The following NFYC variants were observed in gnomAD, a reference collection of about 807,000 sequenced individuals.
NFYC encodes CAAT box DNA-binding protein subunit C.
Under a neutral mutation model 53.1 loss-of-function variants are expected in NFYC, and 25 were observed. That is an observed-to-expected ratio of 0.47 (90% CI 0.34 to 0.66). The LOEUF (loss-of-function observed/expected upper bound fraction) is 0.66. NFYC is among the 30% of genes least tolerant of loss of function. The probability of loss-of-function intolerance (pLI) is 0.01; values close to 1 mark genes in which losing one functional copy is unlikely to be tolerated. For missense variants in NFYC, 260 were observed against 422.7 expected (o/e 0.62, Z 3.38); for synonymous variants, 145 against 152.6 (o/e 0.95, Z 0.37).
In NFYC at chr1:40,691,837, G is replaced by A. The variant is rs766254264; in HGVS notation, c.-39G>A. 2.3e-6 allele frequency: 1 copy of A among 434,970 alleles called. No homozygotes were observed. The highest frequency in any genetic ancestry group is 1.6e-5 in the South Asian group (1 of 62,830). 26.9% of individuals were successfully genotyped at this position (434,970 alleles called of 1,614,324 possible). On this transcript the variant is annotated 5_prime_UTR_variant, in exon 1 of 10. Coordinates refer to ENST00000447388, the MANE Select transcript of NFYC (RefSeq NM_014223.5). Reference sequence around the variant, plus strand: ...CCGACTCCGTAGGAGCGCGGGGGCGGCTCCTGCTCTTCCTGGACTCCTGAG... The same window carrying A: ...CCGACTCCGTAGGAGCGCGGGGGCGACTCCTGCTCTTCCTGGACTCCTGAG...
chr1:40,700,908 C>G (rs1557733930), intron 1 of NFYC, among the ~76,000 whole-genome samples: 1 of 152,096 alleles, frequency 6.6e-6, no homozygotes, highest in Non-Finnish European at 1.5e-5. Context: ...ACTGTGTCCC[C>G]TTCTCCAGCT....
At chr1:40,730,487 G>A (rs895134909) in intron 1 of NFYC, 1 of 888,256 alleles carries the variant, frequency 1.1e-6, no homozygotes, top group African/African-American at 1.8e-5. Flanking sequence ...TGGTAGAGCA[G>A]TATCTGTGAA....
rs1028366107 is a variant in NFYC at position 40,759,865 on chromosome 1, A to G, written c.561+1571A>G. Among the ~76,000 whole-genome samples the G allele has an allele frequency of 7.9e-5, 12 of 152,292 alleles. No homozygotes were observed. The East Asian group carries it at 9.6e-4, about 12-fold the overall frequency. ...ACCATCTACGCAAGTTTGGAAAGAT[A>G]GATAGTAAACACATCCTGGACAGCC... is the stretch of plus-strand genomic sequence containing the variant. On this transcript the variant is annotated intron_variant, in intron 6 of 9. Coordinates refer to ENST00000447388, the MANE Select transcript of NFYC (RefSeq NM_014223.5).
intron 1 of NFYC, among the ~76,000 whole-genome samples, chr1:40,738,245 G>A (rs1347341965): frequency 6.6e-6 from 1 of 152,130 alleles, no homozygotes; most frequent in African/African-American, 2.4e-5. Context: ...TGTTGCCCAG[G>A]CTGTCTTGAA....
intron 1 of NFYC, among the ~76,000 whole-genome samples, chr1:40,707,237 T>G (rs2148438051): frequency 6.6e-6 from 1 of 151,912 alleles, no homozygotes; most frequent in Middle Eastern, 3.4e-3. Flanking sequence ...CTCACTCCTG[T>G]AATCCCAGCA....
In NFYC at chr1:40,734,851, T is replaced by G. The variant is rs1347969954; in HGVS notation, c.-8-3985T>G. ...TGTTAGAAAACATGCTTCAAACCTT[T>G]TTCTCTTTTTTCCTGGTGAGAAGAA... On this transcript the variant is annotated intron_variant, in intron 1 of 9. Transcript: ENST00000447388. The G allele has an allele frequency of 5.3e-5, 8 of 152,232 alleles. No homozygotes were observed. The East Asian group carries it at 1.5e-3, about 29-fold the overall frequency. The allele number at this position is 152,232 out of a possible 1,614,324, so 9.4% of individuals were successfully genotyped here. A position where few individuals can be genotyped will look rare whatever the true frequency, so the allele number is the denominator to read the frequency against.
rs772523474 is a variant in NFYC at position 40,770,627 on chromosome 1, C to T, written c.889-82C>T. The T allele has an allele frequency of 9.9e-6, 16 of 1,614,068 alleles. No homozygotes were observed. The South Asian group carries it at 1.6e-4, about 17-fold the overall frequency. ...GGGTGGTGGTTGAGGTATCTGGGAC[C>T]CCCAACCAGCTCGAGACCCATAGGG... On this transcript the variant is annotated intron_variant, in intron 9 of 9. Transcript: ENST00000447388. The surrounding 1 kb of genome is among the most constrained non-coding windows in gnomAD (Gnocchi z 5.3).
chr1:40,757,417 C>T, intron 5 of NFYC: 1 of 518,642 alleles, frequency 1.9e-6, no homozygotes, highest in South Asian at 1.4e-5. Context: ...GCAGATCGGA[C>T]AGAATGCGAC....
chr1:40,768,878 C>G (rs957553709), intron 8 of NFYC: 1 of 158,422 alleles, frequency 6.3e-6, no homozygotes, highest in South Asian at 1.8e-4. Context: ...CAGGGTGTTT[C>G]ATATTCCAGT....
chr1:40,702,528 G>A (rs1391668701), intron 1 of NFYC, among the ~76,000 whole-genome samples: 1 of 151,850 alleles, frequency 6.6e-6, no homozygotes, highest in Non-Finnish European at 1.5e-5. Context: ...ATTTTTAGTA[G>A]TGGTGGGGTT....
chr1:40,724,524 A>T (rs1293918245), intron 1 of NFYC, among the ~76,000 whole-genome samples: 1 of 152,218 alleles, frequency 6.6e-6, no homozygotes, highest in African/African-American at 2.4e-5. Context: ...TTTCTTCATC[A>T]TACAAAATAC....
intron 1 of NFYC, among the ~76,000 whole-genome samples, chr1:40,713,234 T>A (rs1644002647): frequency 6.6e-6 from 1 of 152,222 alleles, no homozygotes; most frequent in Admixed American, 6.5e-5. Context: ...GATGTTTGAT[T>A]TCCTGTCCTA....
At chr1:40,731,764 G>A (rs1277608610) in intron 1 of NFYC, among the ~76,000 whole-genome samples, 2 of 152,208 alleles carry the variant, frequency 1.3e-5, no homozygotes, top group African/African-American at 2.4e-5. Flanking sequence ...GTTTACAGGC[G>A]TGAGCCACCG....
intron 6 of NFYC, among the ~76,000 whole-genome samples, chr1:40,760,646 G>A (rs1331438345): frequency 6.6e-6 from 1 of 152,024 alleles, no homozygotes; most frequent in Non-Finnish European, 1.5e-5. Context: ...CTTGAACCTG[G>A]GAGGCGGATG....
At chr1:40,748,706 T>G (rs1470288296) in intron 3 of NFYC, among the ~76,000 whole-genome samples, 1 of 152,184 alleles carries the variant, frequency 6.6e-6, no homozygotes, top group Non-Finnish European at 1.5e-5. Flanking sequence ...ACTCTGTCTC[T>G]TTACCACTCA....
At chr1:40,763,078 C>T in intron 7 of NFYC, 32 bp downstream of exon 7, 1 of 1,525,170 alleles carries the variant, frequency 6.6e-7, no homozygotes, top group South Asian at 1.3e-5. Context: ...GTCTTTACAA[C>T]TTTATAGAAG....
intron 7 of NFYC, chr1:40,765,954 G>A (rs1162852276): frequency 6.6e-6 from 1 of 152,258 alleles, no homozygotes; most frequent in African/African-American, 2.4e-5. Context: ...CCATGATGGG[G>A]TTTTCTATGA....
At chr1:40,720,462 A>G (rs1644289257) in intron 1 of NFYC, among the ~76,000 whole-genome samples, 1 of 152,252 alleles carries the variant, frequency 6.6e-6, no homozygotes, top group African/African-American at 2.4e-5. Context: ...TGGCTCTTCC[A>G]TTGGATTACT....
At chr1:40,737,841 C>T (rs990209515) in intron 1 of NFYC, among the ~76,000 whole-genome samples, 3 of 151,862 alleles carry the variant, frequency 2.0e-5, no homozygotes, top group Admixed American at 6.6e-5. Context: ...TCATCAGGAG[C>T]CCCAGAGAAA....
Sources: allele counts gnomAD v4.1 joint callset (sites outside exome capture counted in the v4.1 genomes callset), GRCh38; gene constraint gnomAD v4.1.1; non-coding constraint Gnocchi (gnomAD v3.1); transcripts MANE v1.5; gene names NCBI Gene and HGNC (gene_info 2026-07-23, HGNC 2026-07-21).